Variants in CD247 observed in about 807,000 individuals in gnomAD.
CD247 encodes T-cell surface glycoprotein CD3 zeta chain.
In CD247, 13 loss-of-function variants were observed where a neutral mutation model predicts 30.0. That is an observed-to-expected ratio of 0.43 (90% CI 0.28 to 0.69). The LOEUF is 0.69. Ranked by LOEUF, CD247 falls within the 30% of genes least tolerant of loss-of-function variation. The pLI, the probability that CD247 is intolerant of heterozygous loss-of-function variation, is 0.16. For missense variants in CD247, 193 were observed against 212.6 expected (o/e 0.91, Z 0.57); for synonymous variants, 72 against 80.0 (o/e 0.90, Z 0.53).
Position 167,502,131 on chromosome 1 carries a change from C to A in CD247, c.58+16277G>T, listed in dbSNP as rs578217634. Reference sequence around the variant, plus strand: ...TCTCAGCAGGTGCTTGACAGGCAACCAGGCTGGAAGAGAATGCCTCTGCAG... The same window carrying A: ...TCTCAGCAGGTGCTTGACAGGCAACAAGGCTGGAAGAGAATGCCTCTGCAG... On this transcript the variant is annotated intron_variant, in intron 1 of 7. Transcript: ENST00000362089. 1.8e-3 allele frequency among the ~76,000 whole-genome samples: 274 copies of A among 152,322 alleles called. 1 individual carries two copies. The highest frequency in any genetic ancestry group is 6.1e-3 in the African/African-American group (255 of 41,568).
At position 167,469,894 on chromosome 1, in the gene CD247, T is replaced by G. The variant is rs956143543; in HGVS notation, c.59-29127A>C. 2.0e-5 allele frequency among the ~76,000 whole-genome samples: 3 copies of G among 152,118 alleles called. No homozygotes were observed. In the South Asian group the frequency reaches 6.2e-4, roughly 32 times the overall value. On this transcript the variant is annotated intron_variant, in intron 1 of 7. Transcript: ENST00000362089. ...CTTCTTTTGTGATTTCATCTATTCA[T>G]TCTCGGTACTTTATTTTATTTTATT...
intron 1 of CD247, among the ~76,000 whole-genome samples, chr1:167,514,818 T>C (rs1437295000): frequency 6.6e-6 from 1 of 152,214 alleles, no homozygotes; most frequent in Non-Finnish European, 1.5e-5. Context: ...AGTGCGTGTT[T>C]GGACAACTCT....
At chr1:167,438,433 A>G in intron 4 of CD247, 137 bp downstream of exon 4, 13 of 771,366 alleles carry the variant, frequency 1.7e-5, no homozygotes, top group South Asian at 1.5e-4. Flanking sequence ...GTGGGTCTCC[A>G]TCTCTTCTCT....
chr1:167,509,029 A>G (rs953850056), intron 1 of CD247, among the ~76,000 whole-genome samples: 10 of 152,146 alleles, frequency 6.6e-5, no homozygotes, highest in Admixed American at 2.6e-4. Flanking sequence ...TATTTACTCA[A>G]TTGGTAAGTC....
intron 3 of CD247, among the ~76,000 whole-genome samples, chr1:167,439,090 G>A (rs929290929): frequency 5.9e-5 from 9 of 152,152 alleles, no homozygotes; most frequent in Non-Finnish European, 1.5e-5. Context: ...CTCACTAGTG[G>A]CAGGCACTAG....
intron 1 of CD247, among the ~76,000 whole-genome samples, chr1:167,470,125 G>C (rs552221426): frequency 6.6e-6 from 1 of 152,178 alleles, no homozygotes; most frequent in African/African-American, 2.4e-5. Flanking sequence ...TGTTGGCCAG[G>C]TTGGTCTTGA....
At chr1:167,434,407 C>G (rs983501937) in intron 5 of CD247, 1 of 415,642 alleles carries the variant, frequency 2.4e-6, no homozygotes, top group Non-Finnish European at 4.5e-6. Context: ...CACCTGGAGC[C>G]CCAGAATCAT....
chr1:167,479,945 T>C (rs933809356), intron 1 of CD247, among the ~76,000 whole-genome samples: 1 of 152,218 alleles, frequency 6.6e-6, no homozygotes, highest in Admixed American at 6.5e-5. Flanking sequence ...CATTTTCTAC[T>C]TCTCTTTTGC....
At chr1:167,459,367 T>TG (rs1302039670) in intron 1 of CD247, among the ~76,000 whole-genome samples, 2 of 145,634 alleles carry the variant, frequency 1.4e-5, no homozygotes, top group African/African-American at 5.1e-5. Context: ...TTTTTTTTTT[T>TG]TTTGAGATGA....
chr1:167,471,467 A>C lies in CD247; in HGVS notation c.59-30700T>G, dbSNP rs191642877. ...GCAAACAAAACAACTCAACCTACCCAGTAAGCAAAAATAGTCTAATTTTAA... is the reference window on the plus strand; with the variant it reads ...GCAAACAAAACAACTCAACCTACCCCGTAAGCAAAAATAGTCTAATTTTAA... On this transcript the variant is annotated intron_variant, in intron 1 of 7. Coordinates refer to ENST00000362089, the MANE Select transcript of CD247 (RefSeq NM_198053.3). 2.6e-5 allele frequency among the ~76,000 whole-genome samples: 4 copies of C among 152,212 alleles called. No individual in the cohort carries two copies. In the East Asian group the frequency reaches 7.7e-4, roughly 29 times the overall value.
intron 1 of CD247, among the ~76,000 whole-genome samples, chr1:167,508,180 T>C (rs1655228971): frequency 6.6e-6 from 1 of 152,130 alleles, no homozygotes; most frequent in East Asian, 1.9e-4. Flanking sequence ...GTAGCTCCCT[T>C]TCCAACAAGA....
chr1:167,454,166 T>A (rs747612649), intron 1 of CD247, among the ~76,000 whole-genome samples: 1 of 152,150 alleles, frequency 6.6e-6, no homozygotes, highest in Non-Finnish European at 1.5e-5. Flanking sequence ...TGAATTACAC[T>A]TAAAAATGAA....
At chr1:167,480,311 G>A (rs140641943) in intron 1 of CD247, among the ~76,000 whole-genome samples, 1 of 152,324 alleles carries the variant, frequency 6.6e-6, no homozygotes, top group East Asian at 1.9e-4. Context: ...AAAATAAAAA[G>A]AATAGGGTTA....
chr1:167,514,407 T>C (rs1445335987), intron 1 of CD247, among the ~76,000 whole-genome samples: 1 of 152,146 alleles, frequency 6.6e-6, no homozygotes, highest in Non-Finnish European at 1.5e-5. Flanking sequence ...CCAGAGTGCA[T>C]TCAACAATTC....
At chr1:167,437,678 C>T (rs989280102) in intron 4 of CD247, among the ~76,000 whole-genome samples, 19 of 152,192 alleles carry the variant, frequency 1.2e-4, no homozygotes, top group African/African-American at 4.3e-4. Flanking sequence ...CTCACTGAAG[C>T]ATGGACAGGT....
intron 1 of CD247, among the ~76,000 whole-genome samples, chr1:167,479,379 A>T (rs1288440792): frequency 6.6e-6 from 1 of 152,226 alleles, no homozygotes; most frequent in Non-Finnish European, 1.5e-5. Context: ...AGACATTTTT[A>T]AAAAAGGAGT....
intron 1 of CD247, among the ~76,000 whole-genome samples, chr1:167,507,319 AAGGACTCTAC>A (rs574401816): frequency 4.0e-4 from 61 of 152,030 alleles, no homozygotes; most frequent in African/African-American, 1.4e-3. Context: ...CATGGGTTTG[AAGGACTCTAC>A]AGGGAAAACA....
intron 1 of CD247, among the ~76,000 whole-genome samples, chr1:167,474,805 T>G (rs866713012): frequency 7.0e-6 from 1 of 143,516 alleles, no homozygotes; most frequent in East Asian, 2.1e-4. Flanking sequence ...CAGGCTGGAG[T>G]GCAGTGGTAC....
intron 1 of CD247, among the ~76,000 whole-genome samples, chr1:167,476,889 A>G (rs1296679842): frequency 6.6e-6 from 1 of 152,210 alleles, no homozygotes; most frequent in Non-Finnish European, 1.5e-5. Context: ...ATCTCATTTG[A>G]TTCTCATAAA....
Sources: gnomAD v4.1 joint callset for allele counts (sites outside exome capture counted in the v4.1 genomes callset) on GRCh38, gnomAD v4.1.1 for gene constraint, MANE v1.5 for transcripts, NCBI Gene and HGNC (gene_info 2026-07-23, HGNC 2026-07-21) for gene names.